The following UBR1 variants were observed in gnomAD, a reference collection of about 807,000 sequenced individuals.
The protein encoded by UBR1 is ubiquitin protein ligase E3 component n-recognin 1, also known as E3 ubiquitin-protein ligase UBR1.
UBR1 carries 102 observed loss-of-function variants against 242.1 expected under a neutral mutation model. That is an observed-to-expected ratio of 0.42 (90% confidence interval 0.36 to 0.50). The LOEUF (loss-of-function observed/expected upper bound fraction) is 0.50, where lower values mean the gene tolerates loss of function less well. Among genes scored for constraint, UBR1 ranks in the 20% least tolerant of loss-of-function variants. UBR1 has a pLI of 0.01. For missense variants in UBR1, 1,772 were observed against 2,101.8 expected (o/e 0.84, Z 3.07); for synonymous variants, 675 against 684.8 (o/e 0.99, Z 0.22).
At chr15:42,990,402 T>G (rs2032537140) in intron 33 of UBR1, among the ~76,000 whole-genome samples, 2 of 152,130 alleles carry the variant, frequency 1.3e-5, no homozygotes, top group Non-Finnish European at 2.9e-5. Context: ...GGTCTTGAAC[T>G]CCTTAAGAGA....
chr15:43,026,476 C>T, intron 23 of UBR1, 85 bp downstream of exon 23: 1 of 1,139,212 alleles, frequency 8.8e-7, no homozygotes, highest in Non-Finnish European at 1.3e-6. Context: ...CAGCGTGAAA[C>T]TATAGAAAAA....
intron 41 of UBR1, among the ~76,000 whole-genome samples, chr15:42,964,682 A>G (rs1377310990): frequency 2.0e-5 from 3 of 152,062 alleles, no homozygotes; most frequent in Non-Finnish European, 2.9e-5. Context: ...ATCTCCTGTC[A>G]TCTCCTGTTA....
chr15:43,076,145 T>TC (rs2033888297), intron 3 of UBR1, among the ~76,000 whole-genome samples: 1 of 116,790 alleles, frequency 8.6e-6, no homozygotes. Flanking sequence ...TGACTGGTTT[T>TC]CGTTTTTTTT....
Position 43,002,544 on chromosome 15 carries a change from T to G in UBR1, c.3659+11A>C, listed in dbSNP as rs1297982982. On this transcript the variant is annotated intron_variant, in intron 32 of 46. Transcript: ENST00000290650. ...TTTAAAAAATTAACCAAAACATAAA[T>G]TAAAATATACCTGTTTATCTTTTGA... 2 of 1,612,992 alleles carry G rather than the reference T, an allele frequency of 1.2e-6. No individual in the cohort carries two copies. Among genetic ancestry groups the G allele is most frequent in the Non-Finnish European group, 1.7e-6 (2 of 1,179,390 alleles).
intron 21 of UBR1, 151 bp downstream of exon 21, chr15:43,029,793 T>C (rs1246436845): frequency 5.1e-6 from 4 of 791,364 alleles, no homozygotes; most frequent in South Asian, 1.9e-5. Flanking sequence ...TTAAAATTTA[T>C]ACCACTAAAG....
At chr15:42,978,998 G>C (rs551164439) in intron 37 of UBR1, among the ~76,000 whole-genome samples, 1 of 149,736 alleles carries the variant, frequency 6.7e-6, no homozygotes, top group Non-Finnish European at 1.5e-5. Flanking sequence ...GGGTTCAAGC[G>C]ATTCTCTTGC....
At chr15:43,069,578 G>A (rs765742930) in intron 5 of UBR1, among the ~76,000 whole-genome samples, 11 of 152,180 alleles carry the variant, frequency 7.2e-5, no homozygotes, top group Non-Finnish European at 1.6e-4. Context: ...CCCGGCCTAT[G>A]TTCCCAGTTT....
intron 29 of UBR1, among the ~76,000 whole-genome samples, chr15:43,010,851 G>A (rs1003434106): frequency 6.6e-6 from 1 of 150,408 alleles, no homozygotes; most frequent in Non-Finnish European, 1.5e-5. Flanking sequence ...ATAGCCAGGT[G>A]TGGTGGTGGG....
intron 1 of UBR1, among the ~76,000 whole-genome samples, chr15:43,101,742 G>A (rs2034237414): frequency 1.3e-5 from 2 of 151,964 alleles, no homozygotes; most frequent in South Asian, 4.1e-4. Flanking sequence ...TGAGGTGGGC[G>A]GCTTGCCTGA....
intron 27 of UBR1, among the ~76,000 whole-genome samples, chr15:43,018,317 C>T (rs959416486): frequency 2.6e-5 from 4 of 152,072 alleles, no homozygotes; most frequent in African/African-American, 9.7e-5. Context: ...GGAGACATTT[C>T]CACAACAGCT....
At chr15:43,069,743 G>A (rs1284568222) in intron 5 of UBR1, among the ~76,000 whole-genome samples, 2 of 152,124 alleles carry the variant, frequency 1.3e-5, no homozygotes, top group East Asian at 3.9e-4. Context: ...GCAATGAGAG[G>A]GCCTAGAACT....
rs149840615 is a variant in UBR1 at position 43,016,668 on chromosome 15, C to T, written c.3027+427G>A. Among the ~76,000 whole-genome samples the T allele has an allele frequency of 9.7e-3, 1,482 of 152,244 alleles. 34 individuals are homozygous for T. The highest frequency in any genetic ancestry group is 0.034 in the African/African-American group (1,431 of 41,524). ...TTTGGCTCACTGCAACCTCCGCCTC[C>T]TGGGTTCAAGTGATTTTCGTGCCTC... is the stretch of plus-strand genomic sequence containing the variant. On this transcript the variant is annotated intron_variant, in intron 28 of 46. Transcript: ENST00000290650.
At position 42,945,400 on chromosome 15, in the gene UBR1, T is replaced by C. The variant is rs762804188; in HGVS notation, c.5179A>G (p.Ile1727Val). 1.3e-5 allele frequency: 21 copies of C among 1,614,094 alleles called. No individual in the cohort carries two copies. Among genetic ancestry groups the C allele is most frequent in the Admixed American group, 1.7e-5 (1 of 59,998 alleles). ...KLHLVWQQHC[I>V]IEEIARSQET... The stretch of plus-strand genomic sequence containing the variant: ...TGGCTCCTAGCAATCTCTTCTATAA[T>C]GCAGTGTTGTTGCCAGACCAAATGG... Residue 1727 changes from isoleucine to valine, a missense_variant, in exon 47 of 47, where the codon ATT becomes GTT. By Grantham distance (29) the Ile-to-Val change is conservative. This residue lies in a region of UBR1 where 965 missense variants were observed against 1,079.7 expected (regional missense o/e 0.89). Coordinates refer to ENST00000290650, the MANE Select transcript of UBR1 (RefSeq NM_174916.3).
chr15:43,073,688 A>G (rs1300467430), intron 4 of UBR1, among the ~76,000 whole-genome samples: 2 of 152,184 alleles, frequency 1.3e-5, no homozygotes, highest in Non-Finnish European at 2.9e-5. Context: ...ATTCAATGTG[A>G]TTCAATCAAT....
At chr15:43,054,932 A>G in intron 11 of UBR1, 33 bp from the exon 12 acceptor site, 1 of 1,611,786 alleles carries the variant, frequency 6.2e-7, no homozygotes, top group South Asian at 1.1e-5. Context: ...TTTCTTTAGC[A>G]TTAACTCATT....
chr15:43,079,299 C>A (rs886669572), intron 3 of UBR1, among the ~76,000 whole-genome samples: 3 of 151,454 alleles, frequency 2.0e-5, no homozygotes, highest in African/African-American at 7.3e-5. Context: ...AACCTCGTCT[C>A]GGTTAAAAAA....
intron 45 of UBR1, chr15:42,950,623 G>T: frequency 2.1e-6 from 1 of 465,332 alleles, no homozygotes. Context: ...ATCTGTTGAA[G>T]GGAGGAAACT....
At chr15:43,000,976 C>T (rs1596093497) in intron 32 of UBR1, among the ~76,000 whole-genome samples, 1 of 151,536 alleles carries the variant, frequency 6.6e-6, no homozygotes, top group East Asian at 1.9e-4. Flanking sequence ...TGGGATTACA[C>T]GCATGTGCCA....
intron 22 of UBR1, among the ~76,000 whole-genome samples, chr15:43,027,035 G>C (rs1302993905): frequency 6.6e-6 from 1 of 151,912 alleles, no homozygotes; most frequent in Non-Finnish European, 1.5e-5. Flanking sequence ...CATTGTCTAA[G>C]GTCATATCTA....
Sources: gnomAD v4.1 joint callset for allele counts (sites outside exome capture counted in the v4.1 genomes callset) on GRCh38, gnomAD v4.1.1 for gene constraint, gnomAD v4.1.1 regional missense constraint, MANE v1.5 for transcripts, NCBI Gene and HGNC (gene_info 2026-07-23, HGNC 2026-07-21) for gene names.